The following MMP7 variants were observed in gnomAD, a reference collection of about 807,000 sequenced individuals.
The protein encoded by MMP7 is matrix metallopeptidase 7.
A neutral mutation model predicts 31.5 loss-of-function variants in MMP7; 26 were observed. The ratio of observed to expected loss-of-function variants is 0.83; its 90% confidence interval spans 0.61 to 1.15. The LOEUF (loss-of-function observed/expected upper bound fraction) is 1.15, where lower values mean the gene tolerates loss of function less well. MMP7 is among the 50% of genes most tolerant of loss of function. MMP7 has a pLI of 0.00. For missense variants in MMP7, 367 were observed against 326.5 expected, an observed-to-expected ratio of 1.12 and a Z score of -0.96; for synonymous variants, 142 against 124.2, an observed-to-expected ratio of 1.14 and a Z score of -0.95.
In MMP7 at chr11:102,529,798, G is replaced by A. The variant is rs980912905; in HGVS notation, c.108+795C>T. Among the ~76,000 whole-genome samples the A allele has an allele frequency of 6.6e-5, 10 of 152,106 alleles. 1 individual carries two copies. Among genetic ancestry groups the A allele is most frequent in the Non-Finnish European group, 4.4e-5 (3 of 68,002 alleles). On this transcript the variant is annotated intron_variant, in intron 1 of 5. Transcript: ENST00000260227. ...CATGATTTTTGAACCAGAAGCACTT[G>A]TCCTTGATTTCTATCTCTACCACTA... is the stretch of plus-strand genomic sequence containing the variant.
Position 102,530,654 on chromosome 11 carries a change from A to G in MMP7, c.47T>C (p.Leu16Pro), listed in dbSNP as rs1453606566. The change falls in exon 1 of 6, where the codon CTG becomes CCG. Residue 16 changes from leucine (L) to proline (P), a missense_variant. Physicochemically the swap from Leu to Pro is moderately conservative, Grantham distance 98. Transcript: ENST00000260227. ...CGCCTCCTGAGGCAGCGGCAGGGCC[A>G]GGCTGCCAGGCAGCAGGCACACAGC... ...LCAVCLLPGSLALPLPQEAGG... is the reference protein window; with the variant it reads ...LCAVCLLPGSPALPLPQEAGG... 6.2e-7 allele frequency: 1 copy of G among 1,613,964 alleles called. No homozygotes were observed. Among genetic ancestry groups the G allele is most frequent in the Admixed American group, 1.7e-5 (1 of 60,030 alleles).
rs1373652205 is a variant in MMP7, at chr11:102,527,900, T to C, written c.192A>G (p.Lys64=). Reference sequence around the variant, plus strand: ...TTCCAGTTATAGGTAGGCCAAAGAATTTTTGCATCTCCTTGAGTTTGGCTT... The same window carrying C: ...TTCCAGTTATAGGTAGGCCAAAGAACTTTTGCATCTCCTTGAGTTTGGCTT... ...SLEAKLKEMQ[K]FFGLPITGML... The change falls in exon 2 of 6, where the codon AAA becomes AAG. Residue 64 remains lysine (K), a synonymous_variant. Transcript: ENST00000260227. 5.0e-6 allele frequency: 8 copies of C among 1,614,150 alleles called. No individual in the cohort carries two copies. The highest frequency in any genetic ancestry group is 6.8e-6 in the Non-Finnish European group (8 of 1,180,012).
rs775546674 is a variant in MMP7 at position 102,520,744 on chromosome 11, G to A, written c.*32C>T. On this transcript the variant is annotated 3_prime_UTR_variant, in exon 6 of 6. Transcript: ENST00000260227. ...GTGCAACAATGATATACAATCCAAT[G>A]AATGAATGAATGGATGTTCTGCCTG... The A allele has an allele frequency of 1.3e-6, 2 of 1,502,804 alleles. No homozygotes were observed. The highest frequency in any genetic ancestry group is 2.3e-5 in the South Asian group (2 of 86,516). 93.1% of individuals were successfully genotyped at this position (1,502,804 alleles called of 1,614,324 possible). A position where few individuals can be genotyped will look rare whatever the true frequency, so the allele number is the denominator to read the frequency against.
chr11:102,530,625 C>T lies in MMP7; in HGVS notation c.76G>A (p.Gly26Ser), dbSNP rs1181292148. 8 of 1,613,926 alleles carry T rather than the reference C, an allele frequency of 5.0e-6. No individual in the cohort carries two copies. The South Asian group carries it at 8.8e-5, about 18-fold the overall frequency. ...TGTTCCCACTGTAGCTCACTCATGC[C>T]TCCCGCCTCCTGAGGCAGCGGCAGG... Reference protein sequence around the residue: ...LALPLPQEAGGMSELQWEQAQ... With the variant: ...LALPLPQEAGSMSELQWEQAQ... Residue 26 changes from glycine (G) to serine (S), a missense_variant, in exon 1 of 6, where the codon GGC becomes AGC. Coordinates refer to ENST00000260227, the MANE Select transcript of MMP7 (RefSeq NM_002423.5).
At chr11:102,523,689 G>A (rs1470041096) in intron 4 of MMP7, among the ~76,000 whole-genome samples, 13 of 152,120 alleles carry the variant, frequency 8.5e-5, no homozygotes, top group Admixed American at 8.5e-4. Flanking sequence ...GAAAGCAAAG[G>A]TTTTAAAAGC....
rs769181052 is a variant in MMP7, at chr11:102,530,662, A to G, written c.39T>C (p.Pro13=). The G allele has an allele frequency of 5.6e-6, 9 of 1,613,854 alleles. No homozygotes were observed. In the South Asian group the frequency reaches 8.8e-5, roughly 16 times the overall value. The change falls in exon 1 of 6, where the codon CCT becomes CCC. Residue 13 remains proline, a synonymous_variant. Transcript: ENST00000260227. ...GAGGCAGCGGCAGGGCCAGGCTGCC[A>G]GGCAGCAGGCACACAGCACACAGCA... The part of the protein sequence containing the change: ...LTVLCAVCLL[P]GSLALPLPQE...
chr11:102,523,097 C>T (rs1858630901), intron 5 of MMP7, 143 bp downstream of exon 5: 1 of 551,178 alleles, frequency 1.8e-6, no homozygotes, highest in Non-Finnish European at 3.1e-6. Context: ...TATCTAAGGT[C>T]CCCAATTCCT....
intron 5 of MMP7, among the ~76,000 whole-genome samples, chr11:102,522,682 T>A (rs1858626005): frequency 6.6e-6 from 1 of 152,202 alleles, no homozygotes; most frequent in African/African-American, 2.4e-5. Flanking sequence ...TCCAAATCAG[T>A]GCACTTAAAA....
intron 5 of MMP7, among the ~76,000 whole-genome samples, chr11:102,522,829 A>G (rs568272821): frequency 1.3e-5 from 2 of 152,348 alleles, no homozygotes; most frequent in South Asian, 4.1e-4. Context: ...GCAAACAGGA[A>G]GAGCAGGGTC....
Position 102,529,402 on chromosome 11 carries a change from G to GT in MMP7, c.108+1190dup, listed in dbSNP as rs990959823. Reference sequence around the variant, plus strand: ...CTGCTTTGTTGAGATGACTTTTCCTGTTTTTTTGTTAAACCTAGCTAACAT... The same window carrying GT: ...CTGCTTTGTTGAGATGACTTTTCCTGTTTTTTTTGTTAAACCTAGCTAACAT... On this transcript the variant is annotated intron_variant, in intron 1 of 5. Transcript: ENST00000260227. Among the ~76,000 whole-genome samples, 5 of 152,178 alleles carry GT rather than the reference G, an allele frequency of 3.3e-5. No homozygotes were observed. In the East Asian group the frequency reaches 7.7e-4, roughly 23 times the overall value.
chr11:102,530,281 C>T (rs962083647), intron 1 of MMP7, among the ~76,000 whole-genome samples: 1 of 152,148 alleles, frequency 6.6e-6, no homozygotes, highest in Non-Finnish European at 1.5e-5. Flanking sequence ...TCACAACACC[C>T]TCATTTGGTT....
intron 1 of MMP7, among the ~76,000 whole-genome samples, chr11:102,528,992 AC>A (rs990992795): frequency 6.6e-6 from 1 of 152,194 alleles, no homozygotes; most frequent in African/African-American, 2.4e-5. Context: ...GCACAAGATC[AC>A]CTTGTGAGTA....
rs1858601298 is a variant in MMP7, at chr11:102,520,575, C to T, written c.*201G>A. ...AACATTTATTGACATCTACCCACTG[C>T]AAGTATAGATGAATAAGACACAGTC... On this transcript the variant is annotated 3_prime_UTR_variant, in exon 6 of 6. Coordinates refer to ENST00000260227, the MANE Select transcript of MMP7 (RefSeq NM_002423.5). The T allele has an allele frequency of 2.1e-6, 1 of 472,122 alleles. No homozygotes were observed. Among genetic ancestry groups the T allele is most frequent in the African/African-American group, 2.0e-5 (1 of 51,270 alleles). 29.2% of individuals were successfully genotyped at this position (472,122 alleles called of 1,614,324 possible).
intron 5 of MMP7, among the ~76,000 whole-genome samples, chr11:102,522,798 C>T (rs1858627542): frequency 6.6e-6 from 1 of 152,168 alleles, no homozygotes; most frequent in South Asian, 2.1e-4. Context: ...CCGTGGTTAA[C>T]CGCTTTCTCT....
In MMP7 at chr11:102,527,973, T is replaced by C; in HGVS notation, c.119A>G (p.Lys40Arg). Residue 40 changes from lysine (K) to arginine (R), a missense_variant, in exon 2 of 6, where the codon AAG becomes AGG. Coordinates refer to ENST00000260227, the MANE Select transcript of MMP7 (RefSeq NM_002423.5). The stretch of plus-strand genomic sequence containing the variant: ...TTCTGAGTCATAGAGATAAAATCTC[T>C]TGAGATAGTCCTATTGAAAAGAGAG... ...LQWEQAQDYL[K>R]RFYLYDSETK... The C allele has an allele frequency of 1.2e-6, 2 of 1,610,654 alleles. No homozygotes were observed.
At chr11:102,523,558 G>A (rs1858637012) in intron 4 of MMP7, among the ~76,000 whole-genome samples, 157 bp from the exon 5 acceptor site, 1 of 152,196 alleles carries the variant, frequency 6.6e-6, no homozygotes, top group South Asian at 2.1e-4. Context: ...TTCAAAAGTG[G>A]AGAGGGGTTA....
At position 102,520,766 on chromosome 11, in the gene MMP7, C is replaced by A; in HGVS notation, c.*10G>T. The A allele has an allele frequency of 6.4e-7, 1 of 1,561,790 alleles. No individual in the cohort carries two copies. The highest frequency in any genetic ancestry group is 8.7e-7 in the Non-Finnish European group (1 of 1,144,276). ...AATGAATGAATGAATGGATGTTCTG[C>A]CTGAAGTTTCTATTTCTTTCTTGAA... is the stretch of plus-strand genomic sequence containing the variant. On this transcript the variant is annotated 3_prime_UTR_variant, in exon 6 of 6. Coordinates refer to ENST00000260227, the MANE Select transcript of MMP7 (RefSeq NM_002423.5).
chr11:102,526,686 G>A (rs768493505), intron 3 of MMP7, among the ~76,000 whole-genome samples: 3 of 152,198 alleles, frequency 2.0e-5, no homozygotes, highest in Non-Finnish European at 2.9e-5. Flanking sequence ...ATTTAATATC[G>A]ATGTTAGGTA....
At chr11:102,526,238 ATATTTTTTTT>A (rs1565375868) in intron 3 of MMP7, among the ~76,000 whole-genome samples, 8 of 130,894 alleles carry the variant, frequency 6.1e-5, no homozygotes, top group Non-Finnish European at 1.2e-4. Context: ...ATATATATAT[ATATTTTTTTT>A]TTTTCTTTTG....
Sources: gnomAD v4.1 joint callset for allele counts (sites outside exome capture counted in the v4.1 genomes callset) on GRCh38, gnomAD v4.1.1 for gene constraint, MANE v1.5 for transcripts, NCBI Gene and HGNC (gene_info 2026-07-23, HGNC 2026-07-21) for gene names.